The following TRPC7 variants were observed in gnomAD, a reference collection of about 807,000 sequenced individuals.
The protein encoded by TRPC7 is transient receptor potential cation channel subfamily C member 7.
A neutral mutation model predicts 90.1 loss-of-function variants in TRPC7; 42 were observed. That is an observed-to-expected ratio of 0.47 (90% CI 0.36 to 0.60). The LOEUF (loss-of-function observed/expected upper bound fraction) is 0.60. Among genes scored for constraint, TRPC7 ranks in the 20% least tolerant of loss-of-function variants. The probability of loss-of-function intolerance (pLI) is 0.00; values close to 1 mark genes in which losing one functional copy is unlikely to be tolerated. For synonymous variants in TRPC7, 451 were observed against 436.3 expected (o/e 1.03, Z -0.42); for missense variants, 955 against 1,112.3 (o/e 0.86, Z 2.01).
chr5:136,361,368 CA>C (rs1760564048), intron 1 of TRPC7, among the ~76,000 whole-genome samples: 1 of 152,156 alleles, frequency 6.6e-6, no homozygotes. Flanking sequence ...CCAGCGGAAA[CA>C]AAACCATATA....
intron 3 of TRPC7, among the ~76,000 whole-genome samples, chr5:136,278,292 C>G (rs546908452): frequency 6.6e-6 from 1 of 152,220 alleles, no homozygotes; most frequent in Admixed American, 6.5e-5. Context: ...GTGGTGTTCA[C>G]GAATGGGCAC....
chr5:136,349,315 G>A (rs1760113045), intron 2 of TRPC7, among the ~76,000 whole-genome samples: 1 of 152,088 alleles, frequency 6.6e-6, no homozygotes, highest in Non-Finnish European at 1.5e-5. Flanking sequence ...TTCTTGTGCT[G>A]GAAAAATCTG....
chr5:136,227,275 T>C (rs1755658323), intron 8 of TRPC7, among the ~76,000 whole-genome samples: 1 of 152,162 alleles, frequency 6.6e-6, no homozygotes, highest in Admixed American at 6.5e-5. Context: ...GAAAGAGGCA[T>C]GGGGTTTGTA....
intron 2 of TRPC7, among the ~76,000 whole-genome samples, chr5:136,332,093 G>A (rs1430210846): frequency 6.6e-6 from 1 of 152,150 alleles, no homozygotes; most frequent in Non-Finnish European, 1.5e-5. Flanking sequence ...GGAACTCCCT[G>A]ATGAGGTGAT....
chr5:136,318,625 C>A (rs1260901286), intron 2 of TRPC7, among the ~76,000 whole-genome samples: 1 of 152,188 alleles, frequency 6.6e-6, no homozygotes, highest in Non-Finnish European at 1.5e-5. Context: ...ATTTCCTTGA[C>A]AGCCCATTTT....
chr5:136,293,090 A>G (rs910017692), intron 3 of TRPC7, among the ~76,000 whole-genome samples: 5 of 152,244 alleles, frequency 3.3e-5, no homozygotes, highest in African/African-American at 1.2e-4. Flanking sequence ...GCAAAATTCA[A>G]CAACCCTTCA....
At chr5:136,359,213 T>C (rs1760484090) in intron 1 of TRPC7, among the ~76,000 whole-genome samples, 1 of 152,224 alleles carries the variant, frequency 6.6e-6, no homozygotes, top group Non-Finnish European at 1.5e-5. Context: ...GCCGTATGTC[T>C]GGTATAAAGC....
At chr5:136,282,906 T>C (rs1757589685) in intron 3 of TRPC7, among the ~76,000 whole-genome samples, 1 of 152,212 alleles carries the variant, frequency 6.6e-6, no homozygotes. Context: ...GTCCCTGCCC[T>C]TGGGAAGCCT....
intron 2 of TRPC7, among the ~76,000 whole-genome samples, chr5:136,338,889 G>A (rs1230728206): frequency 2.0e-5 from 3 of 151,780 alleles, no homozygotes; most frequent in African/African-American, 7.3e-5. Context: ...AACCAAACAC[G>A]AAAATCATCC....
At chr5:136,307,395 T>C (rs1445180768) in intron 3 of TRPC7, among the ~76,000 whole-genome samples, 1 of 152,080 alleles carries the variant, frequency 6.6e-6, no homozygotes, top group Non-Finnish European at 1.5e-5. Flanking sequence ...GTGGTATTTG[T>C]CTTTCTGAGG....
At chr5:136,304,954 G>A (rs879488566) in intron 3 of TRPC7, among the ~76,000 whole-genome samples, 3 of 130,760 alleles carry the variant, frequency 2.3e-5, no homozygotes, top group East Asian at 4.5e-4. Context: ...TCATGTCTGC[G>A]TACAGCAGCT....
Position 136,315,707 on chromosome 5 carries a change from C to T in TRPC7, c.853G>A (p.Glu285Lys), listed in dbSNP as rs1325381169. ...CCGTTTAAAATTGCTTCCACCTCTTCTGTGTCTCGGCACAGGTCCAGCACG... is the reference window on the plus strand; with the variant it reads ...CCGTTTAAAATTGCTTCCACCTCTTTTGTGTCTCGGCACAGGTCCAGCACG... ...VGVLDLCRDT[E>K]EVEAILNGDV... is the part of the protein sequence containing the mutation. Residue 285 changes from glutamate (E) to lysine (K), a missense_variant, in exon 3 of 12, where the codon GAA (glutamate) becomes AAA (lysine). By Grantham distance (56) the Glu-to-Lys change is moderately conservative. Transcript: ENST00000513104. 2 of 1,614,102 alleles carry T rather than the reference C, an allele frequency of 1.2e-6. No individual in the cohort carries two copies. The highest frequency in any genetic ancestry group is 4.5e-5 in the East Asian group (2 of 44,874).
intron 3 of TRPC7, among the ~76,000 whole-genome samples, chr5:136,291,573 A>G (rs1757954216): frequency 6.6e-6 from 1 of 152,236 alleles, no homozygotes; most frequent in African/African-American, 2.4e-5. Context: ...AAAGGGATCA[A>G]TTCAACAAGA....
intron 3 of TRPC7, among the ~76,000 whole-genome samples, chr5:136,295,194 C>T (rs1036330586): frequency 4.6e-5 from 7 of 151,866 alleles, no homozygotes; most frequent in Non-Finnish European, 7.4e-5. Context: ...TGCTAAATGA[C>T]GAGTTAATGG....
Position 136,251,052 on chromosome 5 carries a change from T to C in TRPC7, c.1579+597A>G, listed in dbSNP as rs1203513924. Among the ~76,000 whole-genome samples, 28 of 152,256 alleles carry C rather than the reference T, an allele frequency of 1.8e-4. 1 individual carries two copies. The highest frequency in any genetic ancestry group is 1.8e-3 in the Admixed American group (28 of 15,286). On this transcript the variant is annotated intron_variant, in intron 6 of 11. Transcript: ENST00000513104. ...ATTAGAATTGTGTGTATAAAATGTC[T>C]ACACAATTCCTGGCACATAGTAGGT...
chr5:136,336,449 G>A (rs1269241686), intron 2 of TRPC7, among the ~76,000 whole-genome samples: 1 of 151,532 alleles, frequency 6.6e-6, no homozygotes, highest in South Asian at 2.1e-4. Context: ...CAATTCAGAT[G>A]TTGTTTATGA....
intron 3 of TRPC7, among the ~76,000 whole-genome samples, chr5:136,291,301 T>C (rs1242566042): frequency 4.6e-4 from 69 of 149,018 alleles, no homozygotes; most frequent in South Asian, 8.6e-4. Context: ...ATACTAACCT[T>C]AAATGTAAAT....
Position 136,247,337 on chromosome 5 carries a change from T to C in TRPC7, c.1844+134A>G. 6 of 981,510 alleles carry C rather than the reference T, an allele frequency of 6.1e-6. No homozygotes were observed. Among genetic ancestry groups the C allele is most frequent in the African/African-American group, 1.6e-5 (1 of 60,894 alleles). 60.8% of individuals were successfully genotyped at this position (981,510 alleles called of 1,614,324 possible). A position where few individuals can be genotyped will look rare whatever the true frequency, so the allele number is the denominator to read the frequency against. On this transcript the variant is annotated intron_variant, in intron 7 of 11. Coordinates refer to ENST00000513104, the MANE Select transcript of TRPC7 (RefSeq NM_020389.3). The surrounding 1 kb of genome is among the most constrained non-coding windows in gnomAD (Gnocchi z 4.2). ...CCAGAACCTGAACTCTAAACCACCC[T>C]TGAATAAAGTTGCCTTTAACCTTGA...
chr5:136,273,287 T>C (rs1390323602), intron 4 of TRPC7, among the ~76,000 whole-genome samples: 4 of 152,188 alleles, frequency 2.6e-5, no homozygotes, highest in South Asian at 4.1e-4. Flanking sequence ...GGTTAGTTTT[T>C]TCACCCACTG....
Sources: allele counts gnomAD v4.1 joint callset (sites outside exome capture counted in the v4.1 genomes callset), GRCh38; gene constraint gnomAD v4.1.1; non-coding constraint Gnocchi (gnomAD v3.1); transcripts MANE v1.5; gene names NCBI Gene and HGNC (gene_info 2026-07-23, HGNC 2026-07-21).